ARHGAP29: variants seen among roughly 807,000 people sequenced by gnomAD.
ARHGAP29 encodes Rho GTPase activating protein 29, also known as rho GTPase-activating protein 29.
Under a neutral mutation model 122.6 loss-of-function variants are expected in ARHGAP29, and 43 were observed. The ratio of observed to expected loss-of-function variants is 0.35; its 90% CI spans 0.27 to 0.45. The LOEUF (loss-of-function observed/expected upper bound fraction) is 0.45, where lower values mean the gene tolerates loss of function less well. Among genes scored for constraint, ARHGAP29 ranks in the 20% least tolerant of loss-of-function variants. The pLI is 1.00. For synonymous variants in ARHGAP29, 506 were observed against 497.1 expected (o/e 1.02, Z -0.24); for missense variants, 1,303 against 1,477.2 (o/e 0.88, Z 1.93).
rs775014085 is a variant in ARHGAP29, at chr1:94,220,360, C to G, written c.238G>C (p.Glu80Gln). ...CFKEVIHIRLEELLRVLKSIM... is the reference protein window; with the variant it reads ...CFKEVIHIRLQELLRVLKSIM... ...GACTTTAAAACACGGAGCAGTTCCT[C>G]TAGACGTATATGAATAACTTCTTTA... The change falls in exon 3 of 23, where the codon GAG (glutamate) becomes CAG (glutamine). Residue 80 changes from glutamate (E) to glutamine (Q), a missense_variant. Glu to Gln is a conservative substitution (Grantham distance 29). Coordinates refer to ENST00000260526, the MANE Select transcript of ARHGAP29 (RefSeq NM_004815.4). 1 of 1,608,520 alleles carries G rather than the reference C, an allele frequency of 6.2e-7. No homozygotes were observed. The highest frequency in any genetic ancestry group is 1.7e-5 in the Admixed American group (1 of 59,786).
chr1:94,234,914 T>C (rs1419008518), intron 1 of ARHGAP29, among the ~76,000 whole-genome samples: 1 of 152,176 alleles, frequency 6.6e-6, no homozygotes, highest in African/African-American at 2.4e-5. Context: ...ATTAAAACAA[T>C]TTACCTATTT....
chr1:94,222,547 T>G (rs961797176), intron 2 of ARHGAP29, among the ~76,000 whole-genome samples: 1 of 152,198 alleles, frequency 6.6e-6, no homozygotes, highest in African/African-American at 2.4e-5. Context: ...AGCGCCATCC[T>G]GCAGAATACC....
Position 94,172,356 on chromosome 1 carries a change from G to A in ARHGAP29, c.*1513C>T, listed in dbSNP as rs184252261. ...TCTTTTTAGGTATTCATAGCAATAT[G>A]ATTATTTTATATTTTGTACAATGAG... On this transcript the variant is annotated 3_prime_UTR_variant, in exon 23 of 23. Coordinates refer to ENST00000260526, the MANE Select transcript of ARHGAP29 (RefSeq NM_004815.4). 10 of 151,834 alleles carry A rather than the reference G, an allele frequency of 6.6e-5. 1 individual carries two copies. Among genetic ancestry groups the A allele is most frequent in the Admixed American group, 6.6e-4 (10 of 15,230 alleles). The allele number at this position is 151,834 out of a possible 1,614,324, so 9.4% of individuals were successfully genotyped here.
In ARHGAP29 at chr1:94,170,715, A is replaced by G. The variant is rs1648680761; in HGVS notation, c.*3154T>C. On this transcript the variant is annotated 3_prime_UTR_variant, in exon 23 of 23. Coordinates refer to ENST00000260526, the MANE Select transcript of ARHGAP29 (RefSeq NM_004815.4). Reference sequence around the variant, plus strand: ...TCTACAAATGTAAATGAACATCTTTACACGACTGAGTCTTCTAATTCGTGT... The same window carrying G: ...TCTACAAATGTAAATGAACATCTTTGCACGACTGAGTCTTCTAATTCGTGT... Among the ~76,000 whole-genome samples, 1 of 152,244 alleles carries G rather than the reference A, an allele frequency of 6.6e-6. No individual in the cohort carries two copies. Among genetic ancestry groups the G allele is most frequent in the Non-Finnish European group, 1.5e-5 (1 of 68,042 alleles).
intron 1 of ARHGAP29, among the ~76,000 whole-genome samples, chr1:94,258,911 C>G (rs956177111): frequency 1.4e-4 from 22 of 152,230 alleles, no homozygotes; most frequent in African/African-American, 5.3e-4. Flanking sequence ...TCCTCTGTGT[C>G]TGCTGCTTCC....
rs571269756 is a variant in ARHGAP29 at position 94,188,830 on chromosome 1, G to C, written c.1681+7C>G. On this transcript the variant is annotated splice_region_variant and intron_variant, in intron 15 of 22. Transcript: ENST00000260526. ...GTTTTCATTGCCAGACTTAAATATA[G>C]ATGTACCTGGACTTATAGATTCTGA... 6.2e-7 allele frequency: 1 copy of C among 1,603,616 alleles called. No homozygotes were observed. The highest frequency in any genetic ancestry group is 1.3e-5 in the African/African-American group (1 of 74,594).
At chr1:94,244,309 C>G (rs1307461708) in intron 1 of ARHGAP29, among the ~76,000 whole-genome samples, 3 of 151,386 alleles carry the variant, frequency 2.0e-5, no homozygotes, top group Non-Finnish European at 4.4e-5. Flanking sequence ...AAGGATAATA[C>G]ATAATGCCCA....
chr1:94,178,786 G>A (rs988777422), intron 20 of ARHGAP29, among the ~76,000 whole-genome samples: 5 of 152,160 alleles, frequency 3.3e-5, no homozygotes, highest in African/African-American at 1.2e-4. Context: ...AAGACTGCCA[G>A]GCATGCAAGA....
intron 1 of ARHGAP29, among the ~76,000 whole-genome samples, chr1:94,265,248 T>G (rs1454918537): frequency 1.3e-5 from 2 of 152,212 alleles, no homozygotes; most frequent in African/African-American, 4.8e-5. Flanking sequence ...CAGTGCCCAG[T>G]TTGGCTCCCC....
chr1:94,239,218 A>C (rs965923318), upstream of ARHGAP29, among the ~76,000 whole-genome samples: 1 of 152,214 alleles, frequency 6.6e-6, no homozygotes, highest in African/African-American at 2.4e-5. Flanking sequence ...CCCCAGGCCA[A>C]GGGGAGGCTG....
chr1:94,177,465 A>G, intron 22 of ARHGAP29, 147 bp downstream of exon 22: 1 of 522,120 alleles, frequency 1.9e-6, no homozygotes, highest in East Asian at 3.1e-5. Context: ...CTAAAAGGCA[A>G]CTTTCTCAAT....
chr1:94,260,464 A>C (rs577812890), intron 1 of ARHGAP29, among the ~76,000 whole-genome samples: 1 of 152,312 alleles, frequency 6.6e-6, no homozygotes, highest in South Asian at 2.1e-4. Context: ...CAGCTGATTC[A>C]ATCAAATTTG....
In ARHGAP29 at chr1:94,220,310, G is replaced by C. The variant is rs752763721; in HGVS notation, c.288C>G (p.Leu96=). The C allele has an allele frequency of 1.2e-6, 2 of 1,613,526 alleles. No homozygotes were observed. Among genetic ancestry groups the C allele is most frequent in the Admixed American group, 3.3e-5 (2 of 59,996 alleles). ...CAGCATTTTGAAGATCAACAGAATT[G>C]AGGTTCTGATGTTTATTCATTATAG... ...LKSIMNKHQN[L]NSVDLQNAAE... The change falls in exon 3 of 23, where the codon CTC becomes CTG. Residue 96 remains leucine (L), a synonymous_variant. Coordinates refer to ENST00000260526, the MANE Select transcript of ARHGAP29 (RefSeq NM_004815.4).
At chr1:94,234,302 A>G (rs116756138) in intron 1 of ARHGAP29, among the ~76,000 whole-genome samples, 315 of 152,360 alleles carry the variant, frequency 2.1e-3, no homozygotes, top group African/African-American at 7.1e-3. Flanking sequence ...ATAAACTTAT[A>G]AAGTTTCAAT....
Position 94,179,830 on chromosome 1 carries a change from A to G in ARHGAP29, c.2375T>C (p.Met792Thr). The change falls in exon 20 of 23, where the codon ATG (methionine) becomes ACG (threonine). Residue 792 changes from methionine to threonine, a missense_variant. Coordinates refer to ENST00000260526, the MANE Select transcript of ARHGAP29 (RefSeq NM_004815.4). The stretch of plus-strand genomic sequence containing the variant: ...AAGAATTCGGTTTATTTCTATACAC[A>G]TATTTGGCCATTTTTTGTCTTCAAG... ...NSLEDKKWPN[M>T]CIEINRILLK... 2.5e-6 allele frequency: 4 copies of G among 1,613,352 alleles called. No homozygotes were observed. The South Asian group carries it at 3.3e-5, about 13-fold the overall frequency.
At chr1:94,225,005 T>C (rs1396230493) in intron 2 of ARHGAP29, among the ~76,000 whole-genome samples, 1 of 152,168 alleles carries the variant, frequency 6.6e-6, no homozygotes, top group Non-Finnish European at 1.5e-5. Context: ...ATGAACATGA[T>C]GACTAAATAA....
intron 1 of ARHGAP29, among the ~76,000 whole-genome samples, chr1:94,266,231 C>T (rs191218695): frequency 6.6e-6 from 1 of 152,294 alleles, no homozygotes; most frequent in East Asian, 1.9e-4. Flanking sequence ...GTCAGCCAGG[C>T]TCAAAAGCCA....
chr1:94,312,941 A>G, the ARHGAP29 span, among the ~76,000 whole-genome samples: 857 of 152,222 alleles, frequency 5.6e-3, 6 homozygotes, highest in African/African-American at 0.02. Context: ...CTGTGGCTTT[A>G]TGTACCAGCT....
At chr1:94,203,721 T>C (rs910441587) in intron 8 of ARHGAP29, among the ~76,000 whole-genome samples, 3 of 151,924 alleles carry the variant, frequency 2.0e-5, no homozygotes, top group African/African-American at 2.4e-5. Flanking sequence ...GGTTACAGAG[T>C]GAGACCCTGT....
Sources: allele counts gnomAD v4.1 joint callset (sites outside exome capture counted in the v4.1 genomes callset), GRCh38; gene constraint gnomAD v4.1.1; transcripts MANE v1.5; gene names NCBI Gene and HGNC (gene_info 2026-07-23, HGNC 2026-07-21).